Variants in PRKG1 observed in about 807,000 individuals in gnomAD.
PRKG1 encodes the protein protein kinase cGMP-dependent 1.
In PRKG1, 35 loss-of-function variants were observed where a neutral mutation model predicts 88.1. The observed-to-expected ratio is 0.40, with a 90% confidence interval of 0.30 to 0.53. The LOEUF (loss-of-function observed/expected upper bound fraction) is 0.53, where lower values mean the gene tolerates loss of function less well. PRKG1 is among the 20% of genes least tolerant of loss of function. The pLI is 0.59. For missense variants in PRKG1, 540 were observed against 839.8 expected, an observed-to-expected ratio of 0.64 and a Z score of 4.41; for synonymous variants, 303 against 292.5, an observed-to-expected ratio of 1.04 and a Z score of -0.37.
intron 2 of PRKG1, among the ~76,000 whole-genome samples, chr10:51,359,825 A>G (rs963807254): frequency 2.6e-5 from 4 of 151,926 alleles, no homozygotes; most frequent in African/African-American, 9.7e-5. Flanking sequence ...TCTACTTTTG[A>G]TGATCAAAAT....
At chr10:51,950,494 C>T (rs919522179) in intron 5 of PRKG1, among the ~76,000 whole-genome samples, 3 of 152,228 alleles carry the variant, frequency 2.0e-5, no homozygotes, top group African/African-American at 7.2e-5. Flanking sequence ...ACCCTGTCTA[C>T]CCAGCCCACA....
chr10:51,179,470 A>C (rs1837286795), intron 2 of PRKG1, among the ~76,000 whole-genome samples: 1 of 152,236 alleles, frequency 6.6e-6, no homozygotes, highest in Non-Finnish European at 1.5e-5. Flanking sequence ...TGGTCATCTA[A>C]CTGATTTGTT....
Position 51,733,546 on chromosome 10 carries a change from G to A in PRKG1, c.593-71039G>A, listed in dbSNP as rs532347107. On this transcript the variant is annotated intron_variant, in intron 3 of 17. Transcript: ENST00000373980. ...TATATAAGATGGAGTTGAAAAGCAA[G>A]TAAGTGATCACTTGATCTCCCTCAA... Among the ~76,000 whole-genome samples, 18 of 152,256 alleles carry A rather than the reference G, an allele frequency of 1.2e-4. No homozygotes were observed. In the South Asian group the frequency reaches 3.7e-3, roughly 32 times the overall value.
At chr10:51,828,280 A>C (rs10508958) in intron 4 of PRKG1, among the ~76,000 whole-genome samples, 69,234 of 151,882 alleles carry the variant, frequency 0.46, 18,304 homozygotes, top group Non-Finnish European at 0.6. Flanking sequence ...TTATTCTTCA[A>C]CAGGAAAGTA....
At chr10:51,029,110 A>T (rs1843245342) in intron 1 of PRKG1, among the ~76,000 whole-genome samples, 1 of 152,124 alleles carries the variant, frequency 6.6e-6, no homozygotes, top group Non-Finnish European at 1.5e-5. Context: ...TTGCAGTGTA[A>T]GGTTACAAAA....
chr10:51,150,481 A>T (rs531283172), intron 1 of PRKG1, among the ~76,000 whole-genome samples: 36 of 152,288 alleles, frequency 2.4e-4, no homozygotes, highest in African/African-American at 8.7e-4. Context: ...TTTGAGTATT[A>T]TTCTCTGACA....
At chr10:52,138,286 T>C (rs1837482061) in intron 8 of PRKG1, among the ~76,000 whole-genome samples, 1 of 152,128 alleles carries the variant, frequency 6.6e-6, no homozygotes, top group Non-Finnish European at 1.5e-5. Flanking sequence ...TGTCCATTTT[T>C]GTTGGTCAGT....
intron 3 of PRKG1, among the ~76,000 whole-genome samples, chr10:51,720,482 G>C (rs533783744): frequency 6.6e-6 from 1 of 152,298 alleles, no homozygotes; most frequent in African/African-American, 2.4e-5. Flanking sequence ...GAGTTTTACC[G>C]TCATCACCAC....
At chr10:52,116,412 G>T (rs544067296) in intron 7 of PRKG1, among the ~76,000 whole-genome samples, 6 of 152,070 alleles carry the variant, frequency 3.9e-5, no homozygotes, top group Non-Finnish European at 8.8e-5. Flanking sequence ...TGAATGAGCC[G>T]ATGTTATTCT....
At chr10:51,800,353 G>A (rs1839135572) in intron 3 of PRKG1, among the ~76,000 whole-genome samples, 2 of 152,030 alleles carry the variant, frequency 1.3e-5, no homozygotes, top group Non-Finnish European at 2.9e-5. Context: ...AAACCCGCAT[G>A]AGTTGAAAAT....
At chr10:51,883,466 A>G (rs758298058) in intron 4 of PRKG1, among the ~76,000 whole-genome samples, 19 of 152,232 alleles carry the variant, frequency 1.2e-4, no homozygotes, top group Non-Finnish European at 2.2e-4. Flanking sequence ...TTTTCTGTAA[A>G]TTAAGCAAGT....
intron 2 of PRKG1, among the ~76,000 whole-genome samples, chr10:51,219,743 G>A (rs1486694073): frequency 6.6e-6 from 1 of 151,884 alleles, no homozygotes; most frequent in East Asian, 1.9e-4. Context: ...TAAAAAAAAG[G>A]CAAGAAGGAG....
intron 3 of PRKG1, among the ~76,000 whole-genome samples, chr10:51,498,227 T>A (rs1020729413): frequency 6.6e-6 from 1 of 152,240 alleles, no homozygotes; most frequent in African/African-American, 2.4e-5. Flanking sequence ...CAAAGTCTAA[T>A]TATTTAGCAA....
At chr10:51,371,820 G>A (rs12765755) in intron 2 of PRKG1, among the ~76,000 whole-genome samples, 60,548 of 151,860 alleles carry the variant, frequency 0.4, 12,885 homozygotes, top group South Asian at 0.55. Flanking sequence ...AAAATATACA[G>A]CCTCTGCTTT....
chr10:51,107,679 C>T (rs1402994898), intron 1 of PRKG1, among the ~76,000 whole-genome samples: 4 of 151,564 alleles, frequency 2.6e-5, no homozygotes, highest in Non-Finnish European at 4.4e-5. Flanking sequence ...GAAAATATAG[C>T]TGGGCATGAT....
chr10:51,336,382 AAT>A, intron 2 of PRKG1, among the ~76,000 whole-genome samples: 1 of 152,152 alleles, frequency 6.6e-6, no homozygotes, highest in East Asian at 1.9e-4. Flanking sequence ...AAATAAATAA[AAT>A]AGCATAATTG....
chr10:51,644,077 C>T (rs1839861937), intron 3 of PRKG1, among the ~76,000 whole-genome samples: 1 of 152,152 alleles, frequency 6.6e-6, no homozygotes, highest in South Asian at 2.1e-4. Context: ...GTTACTCTCA[C>T]CATAATTACA....
At position 51,614,010 on chromosome 10, in the gene PRKG1, C is replaced by T. The variant is rs568586051; in HGVS notation, c.592+146174C>T. 7.2e-4 allele frequency among the ~76,000 whole-genome samples: 109 copies of T among 151,936 alleles called. 4 individuals carry two copies. In the South Asian group the frequency reaches 0.022, roughly 30 times the overall value. On this transcript the variant is annotated intron_variant, in intron 3 of 17. Transcript: ENST00000373980. ...CTGTAGTTGTCTGTTAGGTCCCTTT[C>T]GTCTAAAGTCCAGTTTAAGTCTAAT... is the stretch of plus-strand genomic sequence containing the variant.
intron 4 of PRKG1, among the ~76,000 whole-genome samples, chr10:51,852,810 G>A (rs533097171): frequency 3.9e-5 from 6 of 152,082 alleles, no homozygotes; most frequent in Non-Finnish European, 8.8e-5. Context: ...GTGAACTTGA[G>A]TAACTTTGCT....
Sources: gnomAD v4.1 joint callset for allele counts (sites outside exome capture counted in the v4.1 genomes callset) on GRCh38, gnomAD v4.1.1 for gene constraint, MANE v1.5 for transcripts, NCBI Gene and HGNC (gene_info 2026-07-23, HGNC 2026-07-21) for gene names.